Variants in ESRRG observed in about 807,000 individuals in gnomAD.
ESRRG encodes estrogen related receptor gamma.
Under a neutral mutation model 44.0 loss-of-function variants are expected in ESRRG, and 13 were observed. The ratio of observed to expected loss-of-function variants is 0.30; its 90% CI spans 0.19 to 0.47. The LOEUF (loss-of-function observed/expected upper bound fraction) is 0.47. Ranked by LOEUF, ESRRG falls within the 20% of genes least tolerant of loss-of-function variation. ESRRG has a pLI of 1.00. For synonymous variants in ESRRG, 215 were observed against 214.6 expected (o/e 1.00, Z -0.02); for missense variants, 395 against 580.6 (o/e 0.68, Z 3.29).
intron 2 of ESRRG, among the ~76,000 whole-genome samples, chr1:216,880,740 G>T (rs1249201939): frequency 6.6e-6 from 1 of 151,966 alleles, no homozygotes; most frequent in Non-Finnish European, 1.5e-5. Flanking sequence ...CACTAAATAT[G>T]GCAGGAAAGT....
intron 2 of ESRRG, among the ~76,000 whole-genome samples, chr1:216,769,156 T>C (rs940163360): frequency 1.3e-5 from 2 of 152,108 alleles, no homozygotes; most frequent in Non-Finnish European, 2.9e-5. Flanking sequence ...TTGATTAGAA[T>C]TTAGCAGGAG....
intron 2 of ESRRG, among the ~76,000 whole-genome samples, chr1:216,773,112 A>G (rs1559576146): frequency 6.6e-6 from 1 of 152,106 alleles, no homozygotes; most frequent in Non-Finnish European, 1.5e-5. Flanking sequence ...GCATGAAAGA[A>G]ATCTTAACCA....
At chr1:216,907,732 G>C (rs750429711) in intron 2 of ESRRG, among the ~76,000 whole-genome samples, 4 of 152,110 alleles carry the variant, frequency 2.6e-5, no homozygotes, top group Non-Finnish European at 5.9e-5. Context: ...CATAATCTAA[G>C]ACACCTCCCC....
intron 1 of ESRRG, among the ~76,000 whole-genome samples, chr1:217,085,480 C>CTTTTTTTT (rs2092021463): frequency 1.5e-5 from 1 of 66,346 alleles, no homozygotes; most frequent in African/African-American, 6.0e-5. Flanking sequence ...CTTTTCTTTT[C>CTTTTTTTT]ATTTTTTTTT....
intron 3 of ESRRG, among the ~76,000 whole-genome samples, chr1:216,629,410 C>A (rs1346260213): frequency 1.3e-5 from 2 of 151,944 alleles, no homozygotes; most frequent in Non-Finnish European, 2.9e-5. Flanking sequence ...ATATAAGACA[C>A]CACCCTGAGA....
intron 1 of ESRRG, among the ~76,000 whole-genome samples, chr1:217,079,911 T>G (rs770806335): frequency 3.3e-5 from 5 of 152,188 alleles, no homozygotes; most frequent in Non-Finnish European, 7.3e-5. Flanking sequence ...TCTGTTTAAA[T>G]GCTCTGTTTC....
chr1:216,512,887 C>T (rs2799471), intron 6 of ESRRG, among the ~76,000 whole-genome samples: 39,264 of 151,978 alleles, frequency 0.26, 5,192 homozygotes, highest in Non-Finnish European at 0.29. Flanking sequence ...GCAATGTTAC[C>T]ACTGAGGCAA....
chr1:216,675,335 G>A (rs546884522), intron 2 of ESRRG, among the ~76,000 whole-genome samples: 1 of 152,002 alleles, frequency 6.6e-6, no homozygotes, highest in South Asian at 2.1e-4. Flanking sequence ...CCTCTAGCCT[G>A]GGCCACAAGA....
At chr1:216,846,591 C>G (rs148422525) in intron 2 of ESRRG, among the ~76,000 whole-genome samples, 1 of 152,106 alleles carries the variant, frequency 6.6e-6, no homozygotes, top group African/African-American at 2.4e-5. Flanking sequence ...CAACCCAACC[C>G]CTGGCCTAGA....
intron 1 of ESRRG, among the ~76,000 whole-genome samples, chr1:216,974,108 C>T (rs1003116695): frequency 6.6e-6 from 1 of 152,134 alleles, no homozygotes; most frequent in Non-Finnish European, 1.5e-5. Flanking sequence ...ATTAATATTT[C>T]TTTTTAAAGA....
chr1:216,884,212 CT>C (rs2096487790), intron 2 of ESRRG, among the ~76,000 whole-genome samples: 1 of 152,198 alleles, frequency 6.6e-6, no homozygotes, highest in Non-Finnish European at 1.5e-5. Context: ...CATAAATCTC[CT>C]GCTTTATGAA....
At chr1:216,737,966 C>T (rs1307768876) in intron 2 of ESRRG, among the ~76,000 whole-genome samples, 1 of 151,034 alleles carries the variant, frequency 6.6e-6, no homozygotes, top group Non-Finnish European at 1.5e-5. Flanking sequence ...GACTTCCAGA[C>T]CTTCACTAGT....
At chr1:217,036,149 A>C (rs978896081) in intron 1 of ESRRG, among the ~76,000 whole-genome samples, 1 of 152,220 alleles carries the variant, frequency 6.6e-6, no homozygotes, top group African/African-American at 2.4e-5. Context: ...ATTATTAAAA[A>C]GTCAAAAAAT....
At chr1:216,700,654 AG>A (rs1440613379) in intron 1 of ESRRG, among the ~76,000 whole-genome samples, 1 of 152,216 alleles carries the variant, frequency 6.6e-6, no homozygotes, top group Admixed American at 6.5e-5. Context: ...GCATTTCAAA[AG>A]ATAGGAGAAA....
At chr1:216,551,476 T>C (rs1047358665) in intron 5 of ESRRG, among the ~76,000 whole-genome samples, 3 of 152,152 alleles carry the variant, frequency 2.0e-5, no homozygotes, top group African/African-American at 7.2e-5. Flanking sequence ...TACTCAACCA[T>C]ACAATATAGT....
At chr1:216,861,034 T>C (rs758448418) in intron 2 of ESRRG, among the ~76,000 whole-genome samples, 12 of 152,074 alleles carry the variant, frequency 7.9e-5, no homozygotes, top group Non-Finnish European at 1.5e-4. Context: ...ATCAGTTGAA[T>C]GTAGTCTGTG....
At chr1:217,042,430 G>C (rs1337888351) in intron 1 of ESRRG, among the ~76,000 whole-genome samples, 1 of 150,068 alleles carries the variant, frequency 6.7e-6, no homozygotes, top group Non-Finnish European at 1.5e-5. Flanking sequence ...CACTCACCTA[G>C]GAGGAAAGTA....
chr1:216,899,250 A>C (rs901443449), intron 2 of ESRRG, among the ~76,000 whole-genome samples: 3 of 152,222 alleles, frequency 2.0e-5, no homozygotes, highest in African/African-American at 7.2e-5. Flanking sequence ...CATTAATGGC[A>C]TAATCTGGGA....
chr1:216,596,729 C>T (rs1558718657), intron 3 of ESRRG, among the ~76,000 whole-genome samples: 1 of 152,154 alleles, frequency 6.6e-6, no homozygotes, highest in African/African-American at 2.4e-5. Flanking sequence ...AAGTGAATCC[C>T]AGCTTAGGCT....
Sources: gnomAD v4.1 joint callset for allele counts (sites outside exome capture counted in the v4.1 genomes callset) on GRCh38, gnomAD v4.1.1 for gene constraint, MANE v1.5 for transcripts, NCBI Gene and HGNC (gene_info 2026-07-23, HGNC 2026-07-21) for gene names.